TEX11: variants seen among roughly 807,000 people sequenced by gnomAD.
The protein encoded by TEX11 is testis expressed 11, also known as testis-expressed protein 11.
Under a neutral mutation model 84.4 loss-of-function variants are expected in TEX11, and 7 were observed. That is an observed-to-expected ratio of 0.08 (90% CI 0.05 to 0.16). The LOEUF (loss-of-function observed/expected upper bound fraction) is 0.16. Among genes scored for constraint, TEX11 ranks in the 10% least tolerant of loss-of-function variants. The pLI is 1.00. For missense variants in TEX11, 551 were observed against 660.5 expected, an observed-to-expected ratio of 0.83 and a Z score of 1.82; for synonymous variants, 264 against 222.8, an observed-to-expected ratio of 1.18 and a Z score of -1.64.
At chrX:70,644,152 C>A (rs1313604208) in intron 17 of TEX11, among the ~76,000 whole-genome samples, 1 of 100,533 alleles carries the variant, frequency 9.9e-6, no homozygotes. Context: ...ATTTATGCAG[C>A]CAAAAAACAC....
At chrX:70,546,465 A>G (rs1298993448) in intron 28 of TEX11, among the ~76,000 whole-genome samples, 1 of 111,639 alleles carries the variant, frequency 9.0e-6, no homozygotes, top group Non-Finnish European at 1.9e-5. Flanking sequence ...CAAGCCAGAG[A>G]CTAGGAGAAA....
chrX:70,535,711 G>T (rs1235251417), intron 28 of TEX11, among the ~76,000 whole-genome samples: 1 of 109,911 alleles, frequency 9.1e-6, no homozygotes, highest in Non-Finnish European at 1.9e-5. Flanking sequence ...TCATGCCATT[G>T]CACTCCAGCC....
chrX:70,573,462 C>G (rs939864608), intron 25 of TEX11, among the ~76,000 whole-genome samples: 1 of 111,867 alleles, frequency 8.9e-6, no homozygotes, highest in African/African-American at 3.2e-5. Context: ...AAAATGTACA[C>G]TAGAAAATCT....
At chrX:70,840,150 G>A (rs1348724416) in intron 7 of TEX11, among the ~76,000 whole-genome samples, 1 of 111,227 alleles carries the variant, frequency 9.0e-6, no homozygotes, top group Non-Finnish European at 1.9e-5. Flanking sequence ...TACTCCTCGA[G>A]AAGAGCAAGT....
At chrX:70,566,724 T>G (rs2088486618) in intron 25 of TEX11, among the ~76,000 whole-genome samples, 1 of 111,897 alleles carries the variant, frequency 8.9e-6, no homozygotes, top group Non-Finnish European at 1.9e-5. Flanking sequence ...TTGCATATAT[T>G]GAACCAGCCT....
chrX:70,902,686 G>A (rs972444074), intron 2 of TEX11, among the ~76,000 whole-genome samples: 2 of 110,394 alleles, frequency 1.8e-5, no homozygotes, highest in Non-Finnish European at 3.8e-5. Flanking sequence ...CCACAGGCAC[G>A]TGCCACCATG....
chrX:70,699,049 T>C (rs750363905), intron 13 of TEX11, among the ~76,000 whole-genome samples: 2 of 111,539 alleles, frequency 1.8e-5, no homozygotes, highest in Non-Finnish European at 3.8e-5. Context: ...CTGCCTGGTC[T>C]CTTGGAACTT....
intron 9 of TEX11, among the ~76,000 whole-genome samples, chrX:70,754,518 G>C (rs775050913): frequency 3.4e-4 from 38 of 111,771 alleles, no homozygotes; most frequent in Non-Finnish European, 6.8e-4. Context: ...CTGTGGTGTG[G>C]GGGAACTCAC....
chrX:70,608,940 T>G, intron 22 of TEX11, 151 bp downstream of exon 22: 1 of 436,982 alleles, frequency 2.3e-6, no homozygotes, highest in Non-Finnish European at 3.9e-6. Flanking sequence ...ATGAAGTATA[T>G]ATAACTATTT....
At chrX:70,599,202 A>G (rs1426574666) in intron 24 of TEX11, among the ~76,000 whole-genome samples, 1 of 110,622 alleles carries the variant, frequency 9.0e-6, no homozygotes, top group Non-Finnish European at 1.9e-5. Context: ...ATAAATAAAT[A>G]AAATAAAGAA....
chrX:70,823,590 C>T (rs1442158058), intron 8 of TEX11, among the ~76,000 whole-genome samples: 1 of 110,925 alleles, frequency 9.0e-6, no homozygotes, highest in African/African-American at 3.3e-5. Context: ...AAGTTCAGGC[C>T]GGAAACTGAA....
chrX:70,809,825 T>C, intron 8 of TEX11, among the ~76,000 whole-genome samples: 1 of 111,242 alleles, frequency 9.0e-6, no homozygotes, highest in African/African-American at 3.3e-5. Context: ...GCCACCCGAA[T>C]AGCCAAAATT....
chrX:70,693,547 G>T (rs2090254521), intron 13 of TEX11, among the ~76,000 whole-genome samples: 1 of 111,385 alleles, frequency 9.0e-6, no homozygotes, highest in Admixed American at 9.6e-5. Flanking sequence ...CTTATATGTG[G>T]TCTCTCAAAA....
At chrX:70,805,591 G>C (rs2091214575) in intron 9 of TEX11, among the ~76,000 whole-genome samples, 1 of 110,669 alleles carries the variant, frequency 9.0e-6, no homozygotes, top group Non-Finnish European at 1.9e-5. Context: ...AGTAGAGATG[G>C]GGTTTTGCCA....
chrX:70,828,470 TAGC>T (rs779161499), intron 8 of TEX11, among the ~76,000 whole-genome samples: 1 of 109,648 alleles, frequency 9.1e-6, no homozygotes, highest in East Asian at 2.9e-4. Context: ...ATCAGTCTCT[TAGC>T]AGCAGAATTG....
chrX:70,834,126 C>T (rs1280059370), intron 7 of TEX11, among the ~76,000 whole-genome samples: 3 of 109,665 alleles, frequency 2.7e-5, no homozygotes, highest in African/African-American at 9.9e-5. Context: ...TAGTTCGAAG[C>T]TGCAGTAAGC....
intron 25 of TEX11, among the ~76,000 whole-genome samples, chrX:70,572,696 T>C: frequency 9.1e-6 from 1 of 109,339 alleles, no homozygotes; most frequent in Non-Finnish European, 1.9e-5. Context: ...TTCATGTCCT[T>C]TGTAGGGACA....
chrX:70,669,617 C>G (rs1351341609), intron 16 of TEX11, among the ~76,000 whole-genome samples: 2 of 112,535 alleles, frequency 1.8e-5, no homozygotes, highest in African/African-American at 6.4e-5. Flanking sequence ...GTCAGATAAA[C>G]AACTCTTCAA....
At chrX:70,884,993 T>A (rs2091700638) in intron 2 of TEX11, among the ~76,000 whole-genome samples, 1 of 111,306 alleles carries the variant, frequency 9.0e-6, no homozygotes, top group African/African-American at 3.3e-5. Flanking sequence ...GAGGCTCAGA[T>A]GGGTCCGGCA....
Sources: allele counts gnomAD v4.1 joint callset (sites outside exome capture counted in the v4.1 genomes callset), GRCh38; gene constraint gnomAD v4.1.1; transcripts MANE v1.5; gene names NCBI Gene and HGNC (gene_info 2026-07-23, HGNC 2026-07-21).